The following SAMTOR variants were observed in gnomAD, a reference collection of about 807,000 sequenced individuals.
SAMTOR encodes UPF0532 protein C7orf60.
chr7:112,862,010 T>C, the SAMTOR span, among the ~76,000 whole-genome samples: 8 of 152,278 alleles, frequency 5.3e-5, no homozygotes, highest in South Asian at 4.1e-4. Context: ...TCCAAGAACG[T>C]TGGGAGGCTG....
the SAMTOR span, among the ~76,000 whole-genome samples, chr7:112,881,609 C>T: frequency 3.9e-5 from 6 of 152,154 alleles, no homozygotes; most frequent in African/African-American, 1.2e-4. Context: ...CTACTCACTC[C>T]GGGTCTCCCC....
At chr7:112,931,464 C>G in the SAMTOR span, among the ~76,000 whole-genome samples, 5 of 152,206 alleles carry the variant, frequency 3.3e-5, no homozygotes, top group East Asian at 9.6e-4. Flanking sequence ...TGAACACATC[C>G]TATAAGGCAG....
At chr7:112,833,522 T>C in the SAMTOR span, among the ~76,000 whole-genome samples, 1 of 152,300 alleles carries the variant, frequency 6.6e-6, no homozygotes, top group African/African-American at 2.4e-5. Context: ...CCATGTTTTA[T>C]AAAAAATTTG....
chr7:112,821,228 C>T, the SAMTOR span: 1 of 151,978 alleles, frequency 6.6e-6, no homozygotes, highest in Non-Finnish European at 1.5e-5. Context: ...GATCATCAGA[C>T]AAAAAAGGAA....
chr7:112,909,552 A>G, the SAMTOR span, among the ~76,000 whole-genome samples: 1 of 152,204 alleles, frequency 6.6e-6, no homozygotes, highest in Non-Finnish European at 1.5e-5. Context: ...ACTTTTAAGC[A>G]TATATTCTGA....
At chr7:112,921,965 C>G in the SAMTOR span, among the ~76,000 whole-genome samples, 2 of 151,638 alleles carry the variant, frequency 1.3e-5, no homozygotes, top group Non-Finnish European at 2.9e-5. Context: ...CTCCCTCTCC[C>G]TCTCCCGCTC....
the SAMTOR span, chr7:112,832,694 TA>T: frequency 7.0e-7 from 1 of 1,427,386 alleles, no homozygotes; most frequent in Admixed American, 1.8e-5. Context: ...AGATATTTTA[TA>T]AGAACAAAAT....
the SAMTOR span, among the ~76,000 whole-genome samples, chr7:112,924,058 G>C: frequency 6.7e-6 from 1 of 150,152 alleles, no homozygotes; most frequent in East Asian, 2.0e-4. Flanking sequence ...TGGCGGGAGG[G>C]GGGAGGGATA....
the SAMTOR span, chr7:112,939,394 C>G: frequency 1.3e-6 from 1 of 778,272 alleles, no homozygotes; most frequent in African/African-American, 1.8e-5. Flanking sequence ...GAAGGGCCCT[C>G]AAAGAAAAGG....
the SAMTOR span, among the ~76,000 whole-genome samples, chr7:112,859,155 G>GA: frequency 6.6e-6 from 1 of 152,270 alleles, no homozygotes; most frequent in African/African-American, 2.4e-5. Context: ...CAGCCTACTA[G>GA]CCTGCCCTGC....
At chr7:112,870,420 G>A in the SAMTOR span, among the ~76,000 whole-genome samples, 83 of 152,222 alleles carry the variant, frequency 5.5e-4, no homozygotes, top group African/African-American at 1.5e-3. Flanking sequence ...AAATGCCAGC[G>A]AAGAATTTCA....
At chr7:112,821,967 C>G in the SAMTOR span, 1 of 1,613,294 alleles carries the variant, frequency 6.2e-7, no homozygotes, top group South Asian at 1.1e-5. Context: ...TGGGTAGTTC[C>G]TACTAACCAA....
the SAMTOR span, among the ~76,000 whole-genome samples, chr7:112,928,809 A>C: frequency 6.6e-6 from 1 of 151,994 alleles, no homozygotes; most frequent in Non-Finnish European, 1.5e-5. Flanking sequence ...GCTTATTAAA[A>C]AGGCTTTTTC....
At chr7:112,855,626 G>A in the SAMTOR span, among the ~76,000 whole-genome samples, 1,708 of 152,120 alleles carry the variant, frequency 0.011, 32 homozygotes, top group African/African-American at 0.037. Context: ...TGCCCCCTCC[G>A]TTTTCAAAGC....
chr7:112,888,174 C>A, the SAMTOR span, among the ~76,000 whole-genome samples: 70 of 152,232 alleles, frequency 4.6e-4, no homozygotes, highest in African/African-American at 1.6e-3. Context: ...CTGAGACTTA[C>A]TTATCTGACC....
chr7:112,830,807 T>C, the SAMTOR span, among the ~76,000 whole-genome samples: 1 of 152,166 alleles, frequency 6.6e-6, no homozygotes, highest in Non-Finnish European at 1.5e-5. Flanking sequence ...CATGCAGGAA[T>C]TTACCAGTAG....
At chr7:112,936,787 C>T in the SAMTOR span, among the ~76,000 whole-genome samples, 1 of 152,122 alleles carries the variant, frequency 6.6e-6, no homozygotes, top group African/African-American at 2.4e-5. Context: ...AAAACCCTCA[C>T]CTTGTATAGC....
chr7:112,890,996 A>T, the SAMTOR span, among the ~76,000 whole-genome samples: 12 of 152,232 alleles, frequency 7.9e-5, no homozygotes, highest in African/African-American at 2.9e-4. Context: ...AGCCATAAAA[A>T]TATTTAACAA....
chr7:112,909,167 A>G, the SAMTOR span, among the ~76,000 whole-genome samples: 2 of 152,170 alleles, frequency 1.3e-5, no homozygotes, highest in African/African-American at 4.8e-5. Flanking sequence ...TTAACCCCCC[A>G]GCCTATCACT....
Sources: gnomAD v4.1 joint callset for allele counts (sites outside exome capture counted in the v4.1 genomes callset) on GRCh38, gnomAD v4.1.1 for gene constraint, MANE v1.5 for transcripts, NCBI Gene and HGNC (gene_info 2026-07-23, HGNC 2026-07-21) for gene names.